PACRG: variants seen among roughly 807,000 people sequenced by gnomAD.
PACRG encodes the protein parkin coregulated gene protein.
Under a neutral mutation model 29.7 loss-of-function variants are expected in PACRG, and 29 were observed. The ratio of observed to expected loss-of-function variants is 0.98; its 90% CI spans 0.73 to 1.33. The LOEUF (loss-of-function observed/expected upper bound fraction) is 1.33, where lower values mean the gene tolerates loss of function less well. PACRG is among the 40% of genes most tolerant of loss of function. The pLI, the probability that PACRG is intolerant of heterozygous loss-of-function variation, is 0.00. For missense variants in PACRG, 279 were observed against 316.2 expected (o/e 0.88, Z 0.89); for synonymous variants, 116 against 118.7 (o/e 0.98, Z 0.15).
intron 4 of PACRG, among the ~76,000 whole-genome samples, chr6:163,201,780 C>T (rs981382106): frequency 2.0e-5 from 3 of 152,208 alleles, no homozygotes; most frequent in Admixed American, 6.5e-5. Context: ...GTTCTCTCTC[C>T]GCTGGGGTGA....
intron 4 of PACRG, among the ~76,000 whole-genome samples, chr6:163,154,334 C>G (rs1026011305): frequency 6.6e-5 from 10 of 152,208 alleles, no homozygotes; most frequent in Admixed American, 5.2e-4. Context: ...AAATGGCCAG[C>G]AGTTGAGATA....
chr6:162,971,490 A>C (rs1157448449), intron 2 of PACRG, among the ~76,000 whole-genome samples: 3 of 152,182 alleles, frequency 2.0e-5, no homozygotes, highest in African/African-American at 7.2e-5. Context: ...TCTGAACACA[A>C]AGAATTTATC....
intron 2 of PACRG, among the ~76,000 whole-genome samples, chr6:163,018,277 C>T (rs1806289481): frequency 6.6e-6 from 1 of 152,170 alleles, no homozygotes; most frequent in Non-Finnish European, 1.5e-5. Flanking sequence ...TATAGCCATA[C>T]TTACCCTCCT....
At position 163,314,862 on chromosome 6, in the gene PACRG, A is replaced by C; in HGVS notation, c.649A>C (p.Lys217Gln). The change falls in exon 5 of 5, where the codon AAG becomes CAG. Residue 217 changes from lysine to glutamine, a missense_variant. Physicochemically the swap from Lys to Gln is moderately conservative, Grantham distance 53. Transcript: ENST00000366888. ...SGDGIDYSQQ[K>Q]RENIGDLIQE... ...AGACGGCATTGACTACAGCCAGCAG[A>C]AGAGGGAGAACATTGGGGACTTGAT... The C allele has an allele frequency of 1.2e-6, 2 of 1,614,164 alleles. No individual in the cohort carries two copies. Among genetic ancestry groups the C allele is most frequent in the African/African-American group, 1.3e-5 (1 of 75,040 alleles).
intron 4 of PACRG, among the ~76,000 whole-genome samples, chr6:163,272,763 C>T (rs576565132): frequency 7.2e-5 from 11 of 152,088 alleles, no homozygotes; most frequent in African/African-American, 1.9e-4. Context: ...AGTGCTTTAT[C>T]AACATCCATG....
chr6:162,905,071 G>A (rs1191364797), intron 2 of PACRG, among the ~76,000 whole-genome samples: 2 of 152,158 alleles, frequency 1.3e-5, no homozygotes, highest in Non-Finnish European at 2.9e-5. Flanking sequence ...CATGAATTGG[G>A]CATCAGGAAA....
intron 4 of PACRG, among the ~76,000 whole-genome samples, chr6:163,129,786 C>A (rs1316514747): frequency 6.6e-6 from 1 of 152,192 alleles, no homozygotes; most frequent in Non-Finnish European, 1.5e-5. Flanking sequence ...AGTTTCCTCC[C>A]TCAGTTTCCT....
At chr6:162,778,187 G>A (rs1306516947) in intron 1 of PACRG, among the ~76,000 whole-genome samples, 1 of 152,166 alleles carries the variant, frequency 6.6e-6, no homozygotes, top group Non-Finnish European at 1.5e-5. Flanking sequence ...GAGGCTAAAG[G>A]AAAAGTGAGT....
chr6:163,138,518 C>T (rs1354249844), intron 4 of PACRG, among the ~76,000 whole-genome samples: 1 of 152,196 alleles, frequency 6.6e-6, no homozygotes. Flanking sequence ...CACCTCAGAT[C>T]ATTAAGCATT....
chr6:162,821,304 A>G lies in PACRG; in HGVS notation c.291+7023A>G, dbSNP rs978830737. On this transcript the variant is annotated intron_variant, in intron 2 of 4. Coordinates refer to ENST00000366888, the MANE Select transcript of PACRG (RefSeq NM_001080379.2). Reference sequence around the variant, plus strand: ...GGCATACGCCATCTCATCGAGCTTGAAAGTCAACTGATTTATAACTCCTGG... The same window carrying G: ...GGCATACGCCATCTCATCGAGCTTGGAAGTCAACTGATTTATAACTCCTGG... Among the ~76,000 whole-genome samples the G allele has an allele frequency of 5.9e-5, 9 of 152,214 alleles. No individual in the cohort carries two copies. In the South Asian group the frequency reaches 1.9e-3, roughly 31 times the overall value.
chr6:162,965,370 A>T (rs370231155), intron 2 of PACRG, among the ~76,000 whole-genome samples: 1 of 152,186 alleles, frequency 6.6e-6, no homozygotes, highest in African/African-American at 2.4e-5. Context: ...AAGCAATAGA[A>T]ATTTATTTCT....
At chr6:163,280,900 C>A (rs1417614664) in intron 4 of PACRG, among the ~76,000 whole-genome samples, 1 of 152,154 alleles carries the variant, frequency 6.6e-6, no homozygotes, top group Non-Finnish European at 1.5e-5. Flanking sequence ...GGAACACAAA[C>A]ATTGGTTTAT....
At chr6:163,278,906 T>A (rs1784140807) in intron 4 of PACRG, among the ~76,000 whole-genome samples, 1 of 152,212 alleles carries the variant, frequency 6.6e-6, no homozygotes, top group Non-Finnish European at 1.5e-5. Flanking sequence ...TTTCTTTGTT[T>A]CTAGATTGCT....
chr6:163,263,423 A>T (rs899143400), intron 4 of PACRG, among the ~76,000 whole-genome samples: 5 of 152,150 alleles, frequency 3.3e-5, no homozygotes. Flanking sequence ...GTCAGCACGT[A>T]CAGAACACGC....
intron 1 of PACRG, among the ~76,000 whole-genome samples, chr6:162,787,146 G>T (rs1335341099): frequency 6.6e-6 from 1 of 152,006 alleles, no homozygotes; most frequent in Non-Finnish European, 1.5e-5. Context: ...TAGCTCCTCT[G>T]TGCTTTATTT....
At chr6:163,175,821 G>A (rs1336593404) in intron 4 of PACRG, among the ~76,000 whole-genome samples, 3 of 151,762 alleles carry the variant, frequency 2.0e-5, no homozygotes, top group African/African-American at 7.3e-5. Context: ...AGGAATCCCA[G>A]CATTTTTAAC....
At chr6:162,742,161 C>A (rs529068873) in intron 1 of PACRG, among the ~76,000 whole-genome samples, 1 of 152,206 alleles carries the variant, frequency 6.6e-6, no homozygotes, top group Middle Eastern at 3.4e-3. Flanking sequence ...TGTCCTCACC[C>A]GAATCTCATC....
chr6:162,918,422 G>A lies in PACRG; in HGVS notation c.291+104141G>A, dbSNP rs557077330. On this transcript the variant is annotated intron_variant, in intron 2 of 4. Coordinates refer to ENST00000366888, the MANE Select transcript of PACRG (RefSeq NM_001080379.2). ...TTATGTTCTCATCAATTTTAAGGAC[G>A]AGACATGAATCTAGCTTGTTAGAGC... Among the ~76,000 whole-genome samples, 62 of 152,232 alleles carry A rather than the reference G, an allele frequency of 4.1e-4. 1 individual carries two copies. Among genetic ancestry groups the A allele is most frequent in the Middle Eastern group, 3.4e-3 (1 of 292 alleles).
At chr6:162,742,040 C>T (rs1423095635) in intron 1 of PACRG, among the ~76,000 whole-genome samples, 6 of 152,152 alleles carry the variant, frequency 3.9e-5, no homozygotes, top group Non-Finnish European at 7.4e-5. Flanking sequence ...TATGTCCTAT[C>T]ACCAACATCA....
Sources: gnomAD v4.1 joint callset for allele counts (sites outside exome capture counted in the v4.1 genomes callset) on GRCh38, gnomAD v4.1.1 for gene constraint, MANE v1.5 for transcripts, NCBI Gene and HGNC (gene_info 2026-07-23, HGNC 2026-07-21) for gene names.